The following ELOVL6 variants were observed in gnomAD, a reference collection of about 807,000 sequenced individuals.
The protein encoded by ELOVL6 is very long chain fatty acid elongase 6.
ELOVL6 carries 8 observed loss-of-function variants against 31.7 expected under a neutral mutation model. The ratio of observed to expected loss-of-function variants is 0.25; its 90% CI spans 0.15 to 0.45. The LOEUF (loss-of-function observed/expected upper bound fraction) is 0.45, where lower values mean the gene tolerates loss of function less well. ELOVL6 is among the 20% of genes least tolerant of loss of function. The probability of loss-of-function intolerance (pLI) is 1.00; values close to 1 mark genes in which losing one functional copy is unlikely to be tolerated. For synonymous variants in ELOVL6, 101 were observed against 117.7 expected (o/e 0.86, Z 0.92); for missense variants, 126 against 326.4 (o/e 0.39, Z 4.73).
intron 1 of ELOVL6, among the ~76,000 whole-genome samples, chr4:110,105,913 T>C (rs1297117551): frequency 6.6e-6 from 1 of 152,232 alleles, no homozygotes; most frequent in South Asian, 2.1e-4. Context: ...AGCATTGAAG[T>C]ACAAAAAGTA....
At chr4:110,118,712 T>C (rs550693411) in intron 1 of ELOVL6, among the ~76,000 whole-genome samples, 13 of 152,334 alleles carry the variant, frequency 8.5e-5, no homozygotes, top group African/African-American at 3.1e-4. Context: ...ATGGGGATAC[T>C]CCCATATTCA....
intron 2 of ELOVL6, among the ~76,000 whole-genome samples, chr4:110,104,944 A>G (rs1756843977): frequency 2.6e-5 from 4 of 152,232 alleles, no homozygotes; most frequent in Admixed American, 2.6e-4. Context: ...TTACAAAGCC[A>G]GAGCTGGCTA....
intron 1 of ELOVL6, among the ~76,000 whole-genome samples, chr4:110,151,785 A>G (rs1219876496): frequency 6.6e-6 from 1 of 152,174 alleles, no homozygotes; most frequent in Non-Finnish European, 1.5e-5. Context: ...CTAGCTGTAC[A>G]ATGTTTGGTG....
chr4:110,101,475 T>C (rs1414426163), intron 2 of ELOVL6, among the ~76,000 whole-genome samples: 1 of 151,482 alleles, frequency 6.6e-6, no homozygotes, highest in East Asian at 1.9e-4. Context: ...TGTGTACGTA[T>C]ATTTTAGGAA....
chr4:110,097,398 G>A (rs573563535), intron 2 of ELOVL6, among the ~76,000 whole-genome samples: 1 of 151,816 alleles, frequency 6.6e-6, no homozygotes, highest in East Asian at 1.9e-4. Context: ...TTAGCAGGGT[G>A]TCCTTCATCA....
chr4:110,094,175 G>T (rs1247226341), intron 2 of ELOVL6, among the ~76,000 whole-genome samples: 1 of 150,986 alleles, frequency 6.6e-6, no homozygotes, highest in African/African-American at 2.4e-5. Context: ...CTTGAACCCA[G>T]GAGGTGGAGG....
chr4:110,107,994 G>C (rs971205239), intron 1 of ELOVL6, among the ~76,000 whole-genome samples: 3 of 152,132 alleles, frequency 2.0e-5, no homozygotes, highest in African/African-American at 7.2e-5. Context: ...AGGGGTACTT[G>C]AAGTGTTATC....
At chr4:110,135,051 A>G (rs1757777208) in intron 1 of ELOVL6, among the ~76,000 whole-genome samples, 1 of 152,212 alleles carries the variant, frequency 6.6e-6, no homozygotes, top group African/African-American at 2.4e-5. Flanking sequence ...CCTTTTATGT[A>G]TATCACTAAC....
chr4:110,177,080 G>A (rs2126276013), intron 1 of ELOVL6, among the ~76,000 whole-genome samples: 1 of 152,276 alleles, frequency 6.6e-6, no homozygotes, highest in Admixed American at 6.5e-5. Context: ...CCCATCCTCT[G>A]TCAGTGAATG....
intron 2 of ELOVL6, among the ~76,000 whole-genome samples, chr4:110,086,238 T>C (rs1319729170): frequency 6.6e-6 from 1 of 152,220 alleles, no homozygotes; most frequent in Non-Finnish European, 1.5e-5. Flanking sequence ...CAATTAATCC[T>C]GATTCTGGAA....
intron 1 of ELOVL6, among the ~76,000 whole-genome samples, chr4:110,155,896 C>T (rs557541882): frequency 1.3e-5 from 2 of 152,278 alleles, no homozygotes; most frequent in Non-Finnish European, 2.9e-5. Context: ...ACACGGGAAG[C>T]ACAGCTCATG....
intron 2 of ELOVL6, chr4:110,060,011 C>G (rs533805320): frequency 7.1e-4 from 240 of 336,872 alleles, no homozygotes; most frequent in Non-Finnish European, 8.3e-4. Context: ...AAAAGGGTAA[C>G]AGATTCAGAG....
At chr4:110,146,131 G>A (rs1212137166) in intron 1 of ELOVL6, among the ~76,000 whole-genome samples, 1 of 152,164 alleles carries the variant, frequency 6.6e-6, no homozygotes, top group Admixed American at 6.6e-5. Flanking sequence ...GCATGGTACT[G>A]CTGTTAAAAA....
Position 110,086,524 on chromosome 4 carries a change from G to A in ELOVL6, c.221+18973C>T, listed in dbSNP as rs184455590. ...GCCACATGAGAGTAGTGTGTTAGTAGGAAATAGAAATATTTTTGGTCATTA... is the reference window on the plus strand; with the variant it reads ...GCCACATGAGAGTAGTGTGTTAGTAAGAAATAGAAATATTTTTGGTCATTA... On this transcript the variant is annotated intron_variant, in intron 2 of 3. Transcript: ENST00000302274. 2.8e-3 allele frequency among the ~76,000 whole-genome samples: 426 copies of A among 152,254 alleles called. 3 individuals are homozygous for A. Among genetic ancestry groups the A allele is most frequent in the African/African-American group, 9.5e-3 (395 of 41,552 alleles).
At chr4:110,163,818 A>G (rs1457414552) in intron 1 of ELOVL6, among the ~76,000 whole-genome samples, 1 of 152,216 alleles carries the variant, frequency 6.6e-6, no homozygotes, top group Non-Finnish European at 1.5e-5. Flanking sequence ...GGGTCATAAG[A>G]TACTTATAGA....
chr4:110,078,946 T>C (rs1216222979), intron 2 of ELOVL6, among the ~76,000 whole-genome samples: 1 of 152,116 alleles, frequency 6.6e-6, no homozygotes, highest in African/African-American at 2.4e-5. Flanking sequence ...AATCCTAGTC[T>C]CTGATAAAAC....
chr4:110,138,067 G>A (rs1460393778), intron 1 of ELOVL6, among the ~76,000 whole-genome samples: 3 of 152,164 alleles, frequency 2.0e-5, no homozygotes, highest in Non-Finnish European at 4.4e-5. Context: ...GAAATGCATA[G>A]AGCAGTTCTT....
intron 1 of ELOVL6, among the ~76,000 whole-genome samples, chr4:110,116,327 T>G (rs1252042460): frequency 6.6e-6 from 1 of 152,228 alleles, no homozygotes; most frequent in Non-Finnish European, 1.5e-5. Flanking sequence ...CCCCTACAGA[T>G]GCACATGTTT....
At chr4:110,143,577 A>G (rs1758024682) in intron 1 of ELOVL6, among the ~76,000 whole-genome samples, 1 of 152,196 alleles carries the variant, frequency 6.6e-6, no homozygotes, top group African/African-American at 2.4e-5. Flanking sequence ...ATCAGTCAGC[A>G]TTATCTAAGA....
Sources: gnomAD v4.1 joint callset for allele counts (sites outside exome capture counted in the v4.1 genomes callset) on GRCh38, gnomAD v4.1.1 for gene constraint, MANE v1.5 for transcripts, NCBI Gene and HGNC (gene_info 2026-07-23, HGNC 2026-07-21) for gene names.